Variants in GRIK3 observed in about 807,000 individuals in gnomAD.
The protein encoded by GRIK3 is glutamate ionotropic receptor kainate type subunit 3.
In GRIK3, 29 loss-of-function variants were observed where a neutral mutation model predicts 102.5. The ratio of observed to expected loss-of-function variants is 0.28; its 90% CI spans 0.21 to 0.39. The LOEUF is 0.39. Among genes scored for constraint, GRIK3 ranks in the 10% least tolerant of loss-of-function variants. The pLI, the probability that GRIK3 is intolerant of heterozygous loss-of-function variation, is 1.00. For synonymous variants in GRIK3, 511 were observed against 504.9 expected (o/e 1.01, Z -0.16); for missense variants, 908 against 1,252.4 (o/e 0.73, Z 4.15).
Position 36,850,336 on chromosome 1 carries a change from C to A in GRIK3, c.1301G>T (p.Arg434Ile), listed in dbSNP as rs1640567724. ...CAGCACTGTGGTGACAATGAGTGATCTGTTTGTCAGAGAGTCGGTGACATT... is the reference window on the plus strand; with the variant it reads ...CAGCACTGTGGTGACAATGAGTGATATGTTTGTCAGAGAGTCGGTGACATT... ...GPNVTDSLTN[R>I]SLIVTTVLEE... Residue 434 changes from arginine (R) to isoleucine (I), a missense_variant, in exon 9 of 16, where the codon AGA becomes ATA. Physicochemically the swap from Arg to Ile is moderately conservative, Grantham distance 97. Around this residue, in one of 3 missense-constraint regions of GRIK3, gnomAD observed 585 missense variants for 824.9 expected, o/e 0.71. Coordinates refer to ENST00000373091, the MANE Select transcript of GRIK3 (RefSeq NM_000831.4). The surrounding 1 kb of genome is among the most constrained non-coding windows in gnomAD (Gnocchi z 4.0). The A allele has an allele frequency of 1.9e-6, 3 of 1,611,708 alleles. No individual in the cohort carries two copies. Among genetic ancestry groups the A allele is most frequent in the Non-Finnish European group, 2.5e-6 (3 of 1,177,780 alleles).
intron 1 of GRIK3, among the ~76,000 whole-genome samples, chr1:36,908,295 TG>T (rs771786966): frequency 1.9e-4 from 29 of 152,316 alleles, no homozygotes; most frequent in Admixed American, 3.3e-4. Flanking sequence ...CAGTGTCAAC[TG>T]CACTACTTTA....
intron 10 of GRIK3, among the ~76,000 whole-genome samples, chr1:36,833,626 C>A (rs936624390): frequency 6.6e-6 from 1 of 152,268 alleles, no homozygotes; most frequent in Non-Finnish European, 1.5e-5. Flanking sequence ...GGGGCCAACA[C>A]ATGCAGGCCA....
rs76934234 is a variant in GRIK3, at chr1:36,806,724, A to G, written c.2092-398T>C. On this transcript the variant is annotated intron_variant, in intron 13 of 15. Coordinates refer to ENST00000373091, the MANE Select transcript of GRIK3 (RefSeq NM_000831.4). The surrounding 1 kb of genome is among the most constrained non-coding windows in gnomAD (Gnocchi z 4.0). ...GCTCACAGGAGGCAGGCACCATCAC[A>G]AGCCCCATTTTACAAATAAAAAGAT... is the stretch of plus-strand genomic sequence containing the variant. 0.016 allele frequency among the ~76,000 whole-genome samples: 2,402 copies of G among 152,326 alleles called. 56 individuals are homozygous for G. The highest frequency in any genetic ancestry group is 0.053 in the African/African-American group (2,204 of 41,562).
At chr1:36,968,436 A>G (rs1642103449) in intron 1 of GRIK3, among the ~76,000 whole-genome samples, 3 of 152,130 alleles carry the variant, frequency 2.0e-5, no homozygotes. Flanking sequence ...GCACATTGTT[A>G]AGGAGGTTGA....
chr1:36,869,347 T>C (rs1454616135), intron 5 of GRIK3, among the ~76,000 whole-genome samples: 1 of 152,156 alleles, frequency 6.6e-6, no homozygotes, highest in Admixed American at 6.5e-5. Flanking sequence ...ATGATAATCA[T>C]AATAGTGAAT....
chr1:37,023,850 G>T (rs1437839340), intron 1 of GRIK3, among the ~76,000 whole-genome samples: 1 of 152,212 alleles, frequency 6.6e-6, no homozygotes, highest in Middle Eastern at 3.2e-3. Context: ...ATCCATACCT[G>T]CTTTCCAAGC....
At chr1:36,892,152 G>A (rs1456684114) in intron 1 of GRIK3, among the ~76,000 whole-genome samples, 1 of 152,126 alleles carries the variant, frequency 6.6e-6, no homozygotes, top group Non-Finnish European at 1.5e-5. Flanking sequence ...TCAAGTTGCT[G>A]GGACTACAGG....
At position 36,806,818 on chromosome 1, in the gene GRIK3, A is replaced by G. The variant is rs1213978964; in HGVS notation, c.2092-492T>C. Among the ~76,000 whole-genome samples the G allele has an allele frequency of 6.6e-6, 1 of 152,152 alleles. No individual in the cohort carries two copies. Among genetic ancestry groups the G allele is most frequent in the African/African-American group, 2.4e-5 (1 of 41,438 alleles). On this transcript the variant is annotated intron_variant, in intron 13 of 15. Transcript: ENST00000373091. The surrounding 1 kb of genome is among the most constrained non-coding windows in gnomAD (Gnocchi z 4.0). ...AGTAGCAAAGCCAGGCTTCAAACCC[A>G]GGCCATCTGGCTCCAGAGTCCATAC...
chr1:36,950,062 C>T lies in GRIK3; in HGVS notation c.116-58966G>A, dbSNP rs1224435077. Among the ~76,000 whole-genome samples the T allele has an allele frequency of 2.0e-5, 3 of 152,108 alleles. No individual in the cohort carries two copies. The East Asian group carries it at 5.8e-4, about 29-fold the overall frequency. ...TACTGGAGTTGCTCTAAAAGTGTGC[C>T]AGATCTAGCTTCAGGGTACACACAT... is the stretch of plus-strand genomic sequence containing the variant. On this transcript the variant is annotated intron_variant, in intron 1 of 15. Coordinates refer to ENST00000373091, the MANE Select transcript of GRIK3 (RefSeq NM_000831.4).
chr1:36,814,754 G>T (rs905403381), intron 13 of GRIK3, among the ~76,000 whole-genome samples: 2 of 151,904 alleles, frequency 1.3e-5, no homozygotes, highest in African/African-American at 4.8e-5. Flanking sequence ...AGGTCCATCT[G>T]CCCTCCACTT....
chr1:36,888,196 A>G (rs1244467977), intron 2 of GRIK3, among the ~76,000 whole-genome samples: 1 of 152,244 alleles, frequency 6.6e-6, no homozygotes, highest in Non-Finnish European at 1.5e-5. Context: ...TATTCATGTA[A>G]CAGAACACTG....
intron 1 of GRIK3, among the ~76,000 whole-genome samples, chr1:37,005,938 C>T (rs1301976475): frequency 1.3e-5 from 2 of 152,150 alleles, no homozygotes; most frequent in East Asian, 3.9e-4. Context: ...CAGTGGGGAG[C>T]CCTTGAGGGT....
intron 1 of GRIK3, among the ~76,000 whole-genome samples, chr1:37,001,475 A>T (rs200851293): frequency 6.6e-6 from 1 of 152,164 alleles, no homozygotes; most frequent in African/African-American, 2.4e-5. Context: ...CCCCAGGTGC[A>T]CGATGGAATT....
chr1:36,968,219 C>CTG (rs1642100251), intron 1 of GRIK3, among the ~76,000 whole-genome samples: 1 of 127,382 alleles, frequency 7.9e-6, no homozygotes, highest in Non-Finnish European at 1.6e-5. Flanking sequence ...CTCTCTCTCT[C>CTG]CGTGTGTGTG....
intron 1 of GRIK3, among the ~76,000 whole-genome samples, chr1:36,976,477 G>T (rs191504593): frequency 8.5e-5 from 13 of 152,208 alleles, no homozygotes; most frequent in African/African-American, 2.6e-4. Flanking sequence ...ATTGGGCAGG[G>T]TCCCACTCAA....
chr1:36,810,407 G>T (rs150825445), intron 13 of GRIK3, among the ~76,000 whole-genome samples: 2 of 152,180 alleles, frequency 1.3e-5, no homozygotes, highest in African/African-American at 4.8e-5. Flanking sequence ...AATACACGGC[G>T]GTGTGCCAGG....
chr1:36,802,416 T>G (rs1642452427), intron 15 of GRIK3, among the ~76,000 whole-genome samples: 1 of 152,156 alleles, frequency 6.6e-6, no homozygotes, highest in Non-Finnish European at 1.5e-5. Context: ...TGGGCCCAAC[T>G]TTCGAGCCCT....
chr1:36,895,150 C>T (rs1031965173), intron 1 of GRIK3, among the ~76,000 whole-genome samples: 1 of 152,158 alleles, frequency 6.6e-6, no homozygotes, highest in African/African-American at 2.4e-5. Context: ...TCCCCCTCTC[C>T]TCACCCCTTA....
chr1:36,862,780 T>C (rs1000818125), intron 5 of GRIK3, among the ~76,000 whole-genome samples: 4 of 152,120 alleles, frequency 2.6e-5, no homozygotes, highest in African/African-American at 9.7e-5. Flanking sequence ...CCACCTACCA[T>C]ATAGAGTTGT....
Sources: gnomAD v4.1 joint callset for allele counts (sites outside exome capture counted in the v4.1 genomes callset) on GRCh38, gnomAD v4.1.1 for gene constraint, gnomAD v4.1.1 regional missense constraint, Gnocchi (gnomAD v3.1) non-coding constraint, MANE v1.5 for transcripts, NCBI Gene and HGNC (gene_info 2026-07-23, HGNC 2026-07-21) for gene names.